CFAP299: variants seen among roughly 807,000 people sequenced by gnomAD.
The protein encoded by CFAP299 is cilia- and flagella-associated protein 299.
Under a neutral mutation model 27.0 loss-of-function variants are expected in CFAP299, and 21 were observed. That is an observed-to-expected ratio of 0.78 (90% CI 0.55 to 1.12). The LOEUF is 1.12. CFAP299 is among the 50% of genes most tolerant of loss of function. The pLI, the probability that CFAP299 is intolerant of heterozygous loss-of-function variation, is 0.00. For synonymous variants in CFAP299, 104 were observed against 98.1 expected (o/e 1.06, Z -0.36); for missense variants, 310 against 276.6 (o/e 1.12, Z -0.86).
chr4:80,920,317 T>C lies in CFAP299; in HGVS notation c.477-24493T>C, dbSNP rs374118204. ...GGAAACATTTCCTCACTGAACCAAA[T>C]GGAACATTGAACCAAAGTTAAGCAA... On this transcript the variant is annotated intron_variant, in intron 4 of 5. Coordinates refer to ENST00000358105, the MANE Select transcript of CFAP299 (RefSeq NM_152770.3). Among the ~76,000 whole-genome samples the C allele has an allele frequency of 1.1e-4, 16 of 152,228 alleles. No individual in the cohort carries two copies. The South Asian group carries it at 3.1e-3, about 30-fold the overall frequency.
intron 3 of CFAP299, among the ~76,000 whole-genome samples, chr4:80,858,271 T>A (rs1732058515): frequency 6.6e-6 from 1 of 151,986 alleles, no homozygotes; most frequent in Admixed American, 6.5e-5. Context: ...TATCATTTTT[T>A]ATTGTGTCTA....
intron 4 of CFAP299, among the ~76,000 whole-genome samples, chr4:80,914,740 T>A (rs1735662529): frequency 6.6e-6 from 1 of 152,212 alleles, no homozygotes; most frequent in East Asian, 1.9e-4. Flanking sequence ...ATCCGTTTTA[T>A]CTGAGCTGTC....
chr4:80,830,059 A>G (rs1001388185), intron 3 of CFAP299, among the ~76,000 whole-genome samples: 4 of 152,090 alleles, frequency 2.6e-5, no homozygotes, highest in African/African-American at 9.7e-5. Context: ...AAAAATGGTT[A>G]CAATGGTAAA....
intron 3 of CFAP299, among the ~76,000 whole-genome samples, chr4:80,759,701 A>G (rs1171537256): frequency 6.6e-6 from 1 of 152,192 alleles, no homozygotes; most frequent in African/African-American, 2.4e-5. Flanking sequence ...GCTTTCTAGT[A>G]AACATAGCAA....
intron 2 of CFAP299, among the ~76,000 whole-genome samples, chr4:80,436,597 T>C (rs1005549495): frequency 6.6e-6 from 1 of 152,212 alleles, no homozygotes; most frequent in African/African-American, 2.4e-5. Flanking sequence ...CCACCGTGCC[T>C]GGCCAAAATG....
intron 2 of CFAP299, among the ~76,000 whole-genome samples, chr4:80,558,136 A>G (rs1043771212): frequency 2.0e-5 from 3 of 152,120 alleles, no homozygotes; most frequent in African/African-American, 7.2e-5. Context: ...TGACAAGGCC[A>G]ATCTTTTCTG....
At chr4:80,640,828 G>A (rs939127810) in intron 3 of CFAP299, among the ~76,000 whole-genome samples, 1 of 152,164 alleles carries the variant, frequency 6.6e-6, no homozygotes, top group Non-Finnish European at 1.5e-5. Context: ...TATAGAAAGT[G>A]ACAACTTCTG....
chr4:80,466,020 G>C (rs1459112920), intron 2 of CFAP299, among the ~76,000 whole-genome samples: 1 of 152,212 alleles, frequency 6.6e-6, no homozygotes, highest in Non-Finnish European at 1.5e-5. Context: ...TGGGAAGAAA[G>C]AGATCTTCAC....
intron 2 of CFAP299, among the ~76,000 whole-genome samples, chr4:80,552,863 GT>G (rs1259371282): frequency 6.6e-6 from 1 of 151,996 alleles, no homozygotes; most frequent in South Asian, 2.1e-4. Flanking sequence ...AATTTTTAAA[GT>G]TTTTAGAGAT....
intron 3 of CFAP299, among the ~76,000 whole-genome samples, chr4:80,697,745 T>C (rs887835112): frequency 2.0e-5 from 3 of 152,192 alleles, no homozygotes; most frequent in African/African-American, 7.2e-5. Context: ...GTAAGATTTG[T>C]GGCTGCTGCC....
chr4:80,525,023 G>GT (rs1733101105), intron 2 of CFAP299, among the ~76,000 whole-genome samples: 1 of 152,110 alleles, frequency 6.6e-6, no homozygotes, highest in Non-Finnish European at 1.5e-5. Flanking sequence ...GATAGAGGTT[G>GT]TCCTCAGATC....
intron 5 of CFAP299, among the ~76,000 whole-genome samples, chr4:80,951,581 C>T (rs1264825159): frequency 6.6e-6 from 1 of 152,312 alleles, no homozygotes; most frequent in South Asian, 2.1e-4. Flanking sequence ...TCCTCTTCCT[C>T]TCTCTTTCTC....
At chr4:80,390,756 C>CATATGTAT (rs1006786320) in intron 2 of CFAP299, among the ~76,000 whole-genome samples, 3 of 96,240 alleles carry the variant, frequency 3.1e-5, no homozygotes, top group Non-Finnish European at 6.4e-5. Flanking sequence ...TATATACACA[C>CATATGTAT]ATATGTATAT....
chr4:80,736,149 C>T (rs1387080284), intron 3 of CFAP299, among the ~76,000 whole-genome samples: 2 of 152,066 alleles, frequency 1.3e-5, no homozygotes, highest in Non-Finnish European at 2.9e-5. Context: ...GACATGAAGT[C>T]CTTGCCCATG....
chr4:80,487,993 A>T (rs954906848), intron 2 of CFAP299, among the ~76,000 whole-genome samples: 1 of 152,238 alleles, frequency 6.6e-6, no homozygotes, highest in African/African-American at 2.4e-5. Flanking sequence ...ATTCTTATGC[A>T]TGCTAGTTTT....
intron 2 of CFAP299, among the ~76,000 whole-genome samples, chr4:80,530,430 T>A (rs1733408155): frequency 6.6e-6 from 1 of 152,176 alleles, no homozygotes; most frequent in Non-Finnish European, 1.5e-5. Context: ...AGTTATGCAG[T>A]TATGCTACAA....
chr4:80,584,541 A>G (rs1050198120), intron 3 of CFAP299, among the ~76,000 whole-genome samples: 2 of 152,044 alleles, frequency 1.3e-5, no homozygotes, highest in African/African-American at 4.8e-5. Flanking sequence ...GAGCAGATCA[A>G]CCTGTTTTAT....
intron 2 of CFAP299, among the ~76,000 whole-genome samples, chr4:80,491,999 G>T (rs1731159244): frequency 6.6e-6 from 1 of 152,104 alleles, no homozygotes; most frequent in Non-Finnish European, 1.5e-5. Context: ...GACTTCAAAA[G>T]AACTTTGGTC....
chr4:80,396,421 G>A (rs1479774149), intron 2 of CFAP299, among the ~76,000 whole-genome samples: 1 of 152,042 alleles, frequency 6.6e-6, no homozygotes, highest in Non-Finnish European at 1.5e-5. Flanking sequence ...TATGTGTAAT[G>A]AGATAATACA....
Sources: allele counts gnomAD v4.1 joint callset (sites outside exome capture counted in the v4.1 genomes callset), GRCh38; gene constraint gnomAD v4.1.1; transcripts MANE v1.5; gene names NCBI Gene and HGNC (gene_info 2026-07-23, HGNC 2026-07-21).